The following GPC5 variants were observed in gnomAD, a reference collection of about 807,000 sequenced individuals.
GPC5 encodes glypican-5.
GPC5 carries 47 observed loss-of-function variants against 53.9 expected under a neutral mutation model. That is an observed-to-expected ratio of 0.87 (90% CI 0.69 to 1.11). The LOEUF is 1.11. Among genes scored for constraint, GPC5 ranks in the 50% most tolerant of loss-of-function variants. The probability of loss-of-function intolerance (pLI) is 0.00; values close to 1 mark genes in which losing one functional copy is unlikely to be tolerated. For synonymous variants in GPC5, 286 were observed against 263.3 expected, an observed-to-expected ratio of 1.09 and a Z score of -0.84; for missense variants, 748 against 713.1, an observed-to-expected ratio of 1.05 and a Z score of -0.56.
At chr13:91,865,634 T>C (rs9523439) in intron 5 of GPC5, among the ~76,000 whole-genome samples, 90,895 of 151,958 alleles carry the variant, frequency 0.6, 27,858 homozygotes, top group East Asian at 0.96. Flanking sequence ...ACTTCAAATA[T>C]CCCATGACCC....
intron 2 of GPC5, among the ~76,000 whole-genome samples, chr13:91,464,906 T>C (rs1487469703): frequency 6.6e-6 from 1 of 152,150 alleles, no homozygotes; most frequent in Non-Finnish European, 1.5e-5. Context: ...TGTACTATAG[T>C]TATACAAGAT....
intron 2 of GPC5, among the ~76,000 whole-genome samples, chr13:91,546,905 C>G (rs1169619265): frequency 1.3e-5 from 2 of 151,988 alleles, no homozygotes; most frequent in East Asian, 1.9e-4. Context: ...GACTGTTTTT[C>G]TAGTCGTAGC....
chr13:91,815,207 G>T (rs1222913965), intron 5 of GPC5, among the ~76,000 whole-genome samples: 1 of 151,868 alleles, frequency 6.6e-6, no homozygotes, highest in Non-Finnish European at 1.5e-5. Flanking sequence ...CTCTACAAAA[G>T]AAAATAATAA....
intron 7 of GPC5, among the ~76,000 whole-genome samples, chr13:92,381,936 A>AT (rs2043750589): frequency 1.3e-5 from 1 of 74,738 alleles, no homozygotes; most frequent in Non-Finnish European, 3.1e-5. Context: ...ATATGATTAT[A>AT]TATGAAATAA....
intron 7 of GPC5, among the ~76,000 whole-genome samples, chr13:92,228,459 T>C (rs1241996412): frequency 6.6e-6 from 1 of 152,086 alleles, no homozygotes; most frequent in Non-Finnish European, 1.5e-5. Flanking sequence ...TTAATAGTCT[T>C]AAGAATTTTA....
chr13:92,449,930 ACTTT>A (rs1360361124), intron 7 of GPC5, among the ~76,000 whole-genome samples: 2 of 152,118 alleles, frequency 1.3e-5, no homozygotes, highest in Admixed American at 1.3e-4. Context: ...GCCCCAAAGA[ACTTT>A]CTTTCAACCC....
chr13:92,290,426 C>T (rs1327056831), intron 7 of GPC5, among the ~76,000 whole-genome samples: 1 of 152,132 alleles, frequency 6.6e-6, no homozygotes. Flanking sequence ...GATTTTGGCG[C>T]ACCCGTCACC....
chr13:91,641,277 A>G (rs745819990), intron 2 of GPC5, among the ~76,000 whole-genome samples: 23 of 152,228 alleles, frequency 1.5e-4, no homozygotes, highest in Non-Finnish European at 2.9e-4. Flanking sequence ...GCAGTGAGCC[A>G]AGATAGCGCC....
chr13:91,689,636 T>G (rs2139790081), intron 2 of GPC5, among the ~76,000 whole-genome samples: 1 of 152,012 alleles, frequency 6.6e-6, no homozygotes, highest in Non-Finnish European at 1.5e-5. Flanking sequence ...ATTTTTTTAC[T>G]TTTTAAACTT....
chr13:92,464,553 A>G (rs963704872), intron 7 of GPC5, among the ~76,000 whole-genome samples: 14 of 152,198 alleles, frequency 9.2e-5, no homozygotes, highest in African/African-American at 3.4e-4. Context: ...TTTCCCATCA[A>G]TTTCACCATG....
intron 7 of GPC5, among the ~76,000 whole-genome samples, chr13:92,317,020 G>T (rs541087501): frequency 6.6e-6 from 1 of 152,180 alleles, no homozygotes; most frequent in African/African-American, 2.4e-5. Context: ...ATAAACTACA[G>T]AAAATTCTAT....
At chr13:92,769,077 T>A (rs915509297) in intron 7 of GPC5, among the ~76,000 whole-genome samples, 15 of 152,158 alleles carry the variant, frequency 9.9e-5, no homozygotes, top group Non-Finnish European at 4.4e-5. Flanking sequence ...TGGATTGTAA[T>A]TAATACTAAC....
At chr13:91,460,803 T>C (rs1054019669) in intron 2 of GPC5, among the ~76,000 whole-genome samples, 3 of 151,896 alleles carry the variant, frequency 2.0e-5, no homozygotes, top group Non-Finnish European at 4.4e-5. Flanking sequence ...CAGATTAAGA[T>C]GAAAATATTA....
intron 5 of GPC5, among the ~76,000 whole-genome samples, chr13:91,798,555 T>G (rs762444938): frequency 3.3e-5 from 5 of 152,232 alleles, no homozygotes; most frequent in Non-Finnish European, 7.3e-5. Context: ...TACTCCATGA[T>G]GTATATGTAC....
chr13:92,118,555 G>T (rs929250966), intron 6 of GPC5, among the ~76,000 whole-genome samples: 2 of 151,972 alleles, frequency 1.3e-5, no homozygotes, highest in Non-Finnish European at 2.9e-5. Context: ...AAAACAAAAG[G>T]ATTATTTCTC....
At chr13:92,511,934 G>C (rs549017887) in intron 7 of GPC5, among the ~76,000 whole-genome samples, 5 of 152,176 alleles carry the variant, frequency 3.3e-5, no homozygotes, top group East Asian at 3.9e-4. Context: ...GAAGTGGGAG[G>C]CAAATGGTCT....
At chr13:92,804,703 T>C (rs1350705867) in intron 7 of GPC5, among the ~76,000 whole-genome samples, 1 of 152,016 alleles carries the variant, frequency 6.6e-6, no homozygotes, top group Non-Finnish European at 1.5e-5. Flanking sequence ...GCCACAGCAC[T>C]TCATTCTTCC....
chr13:92,619,217 A>T (rs1884793751), intron 7 of GPC5, among the ~76,000 whole-genome samples: 1 of 152,002 alleles, frequency 6.6e-6, no homozygotes, highest in Non-Finnish European at 1.5e-5. Context: ...GATTAGTTCT[A>T]ACAAATTAAT....
At chr13:92,557,812 T>G (rs995065247) in intron 7 of GPC5, among the ~76,000 whole-genome samples, 2 of 151,924 alleles carry the variant, frequency 1.3e-5, no homozygotes, top group African/African-American at 4.8e-5. Flanking sequence ...GCACTTAGGC[T>G]TACCTGGATT....
Sources: allele counts gnomAD v4.1 joint callset (sites outside exome capture counted in the v4.1 genomes callset), GRCh38; gene constraint gnomAD v4.1.1; transcripts MANE v1.5; gene names NCBI Gene and HGNC (gene_info 2026-07-23, HGNC 2026-07-21).